Variants in SLIT1 observed in about 807,000 individuals in gnomAD.
The protein encoded by SLIT1 is slit homolog 1 protein.
In SLIT1, 66 loss-of-function variants were observed where a neutral mutation model predicts 186.1. That is an observed-to-expected ratio of 0.35 (90% CI 0.29 to 0.44). SLIT1 has a LOEUF of 0.44. Ranked by LOEUF, SLIT1 falls within the 20% of genes least tolerant of loss-of-function variation. The pLI is 1.00. For missense variants in SLIT1, 1,638 were observed against 2,037.4 expected, an observed-to-expected ratio of 0.80 and a Z score of 3.77; for synonymous variants, 761 against 833.8, an observed-to-expected ratio of 0.91 and a Z score of 1.50.
chr10:97,056,262 C>G (rs971274137), intron 13 of SLIT1, 59 bp downstream of exon 13: 5 of 1,588,552 alleles, frequency 3.1e-6, no homozygotes, highest in Non-Finnish European at 4.3e-6. Context: ...CTGGAGGCTG[C>G]AACCTCCCCC....
chr10:97,136,691 TG>T (rs1471414431), intron 4 of SLIT1, among the ~76,000 whole-genome samples: 6 of 152,070 alleles, frequency 3.9e-5, no homozygotes, highest in Non-Finnish European at 5.9e-5. Context: ...CAGAAATGAG[TG>T]ATCCTTCCAC....
chr10:97,034,690 G>T, intron 22 of SLIT1, 148 bp from the exon 23 acceptor site: 1 of 677,378 alleles, frequency 1.5e-6, no homozygotes, highest in South Asian at 1.6e-5. Flanking sequence ...GCACAGCCTC[G>T]GGTCTCAGCG....
At chr10:97,166,026 T>G (rs899157674) in intron 1 of SLIT1, among the ~76,000 whole-genome samples, 1 of 151,974 alleles carries the variant, frequency 6.6e-6, no homozygotes, top group African/African-American at 2.4e-5. Flanking sequence ...GCCATCTGTC[T>G]CCTTGGGGCA....
intron 4 of SLIT1, among the ~76,000 whole-genome samples, chr10:97,123,460 A>G (rs1362601501): frequency 3.3e-5 from 5 of 152,182 alleles, no homozygotes; most frequent in Non-Finnish European, 5.9e-5. Context: ...GTCCTCAAAC[A>G]ATTTCAGAAC....
At position 97,047,731 on chromosome 10, in the gene SLIT1, G is replaced by A. The variant is rs2134626260; in HGVS notation, c.1593C>T (p.Leu531=). 1 of 1,614,066 alleles carries A rather than the reference G, an allele frequency of 6.2e-7. No individual in the cohort carries two copies. The highest frequency in any genetic ancestry group is 2.2e-5 in the East Asian group (1 of 44,886). ...ANVVECSSLK[L]TKIPERIPQS... is the part of the protein sequence containing the mutation. ...GGGGGATGCGCTCAGGGATCTTGGT[G>A]AGCTTCAGGCTGGAGCACTCCACCA... Residue 531 remains leucine, a synonymous_variant, in exon 16 of 37, where the codon CTC becomes CTT. Coordinates refer to ENST00000266058, the MANE Select transcript of SLIT1 (RefSeq NM_003061.3).
At chr10:97,026,998 A>G (rs1848551682) in intron 25 of SLIT1, among the ~76,000 whole-genome samples, 1 of 152,218 alleles carries the variant, frequency 6.6e-6, no homozygotes, top group Admixed American at 6.5e-5. Flanking sequence ...AGGGTTTTAA[A>G]TAGGAAGACT....
chr10:97,073,594 G>A (rs1205262792), intron 4 of SLIT1, among the ~76,000 whole-genome samples: 1 of 152,178 alleles, frequency 6.6e-6, no homozygotes, highest in Non-Finnish European at 1.5e-5. Context: ...TACAGGGCTG[G>A]GGCAGAAGCT....
At chr10:97,032,715 A>G (rs1264151422) in intron 23 of SLIT1, among the ~76,000 whole-genome samples, 1 of 151,778 alleles carries the variant, frequency 6.6e-6, no homozygotes, top group Non-Finnish European at 1.5e-5. Context: ...GGGAAATCAC[A>G]CTTGCAATAG....
In SLIT1 at chr10:97,177,654, C is replaced by T. The variant is rs1288817098; in HGVS notation, c.197+7824G>A. Among the ~76,000 whole-genome samples, 4 of 152,100 alleles carry T rather than the reference C, an allele frequency of 2.6e-5. No homozygotes were observed. In the East Asian group the frequency reaches 7.7e-4, roughly 29 times the overall value. On this transcript the variant is annotated intron_variant, in intron 1 of 36. Transcript: ENST00000266058. ...ATAAAGAAAATATGGTACATATACA[C>T]CACAGAGTACTATGAAACCATAAAA...
At chr10:97,178,888 T>G (rs1369077937) in intron 1 of SLIT1, among the ~76,000 whole-genome samples, 1 of 152,202 alleles carries the variant, frequency 6.6e-6, no homozygotes, top group Admixed American at 6.5e-5. Context: ...TTATTTGTTT[T>G]TTAAAATTTA....
At chr10:97,002,434 GCCCCACCTGACACAGCCCA>G (rs1219164697) in intron 35 of SLIT1, 65 bp from the exon 36 acceptor site, 53 of 1,291,420 alleles carry the variant, frequency 4.1e-5, no homozygotes, top group Middle Eastern at 4.7e-4. Flanking sequence ...GACACAGCCC[GCCCCACCTGACACAGCCCA>G]CCCCACCCAG....
In SLIT1 at chr10:97,004,568, G is replaced by A. The variant is rs973986143; in HGVS notation, c.3710+125C>T. 4.3e-6 allele frequency: 5 copies of A among 1,164,932 alleles called. No homozygotes were observed. The highest frequency in any genetic ancestry group is 1.9e-5 in the Admixed American group (1 of 53,644). 72.2% of individuals were successfully genotyped at this position (1,164,932 alleles called of 1,614,324 possible). A position where few individuals can be genotyped will look rare whatever the true frequency, so the allele number is the denominator to read the frequency against. On this transcript the variant is annotated intron_variant, in intron 33 of 36. Coordinates refer to ENST00000266058, the MANE Select transcript of SLIT1 (RefSeq NM_003061.3). This position sits in a 1 kb window ranked among gnomAD's most constrained non-coding sequence, Gnocchi z 5.1. ...TGGGGCTAACCCAGATGGTTCAAGTGTCCTTCAAACTCAGGCAGCCCAGGT... is the reference window on the plus strand; with the variant it reads ...TGGGGCTAACCCAGATGGTTCAAGTATCCTTCAAACTCAGGCAGCCCAGGT...
chr10:97,105,511 G>A (rs759334073), intron 4 of SLIT1, among the ~76,000 whole-genome samples: 6 of 152,298 alleles, frequency 3.9e-5, no homozygotes, highest in Admixed American at 6.5e-5. Context: ...TCCAGTGACC[G>A]TGGTGTAATG....
rs1230123179 is a variant in SLIT1, at chr10:97,004,287, C to T, written c.3711-65G>A. On this transcript the variant is annotated intron_variant, in intron 33 of 36. Coordinates refer to ENST00000266058, the MANE Select transcript of SLIT1 (RefSeq NM_003061.3). This position sits in a 1 kb window ranked among gnomAD's most constrained non-coding sequence, Gnocchi z 5.1. ...TCAGTCTGGACCATCCCTGCCTGGG[C>T]ACTTCCCCAGAAACACCAGTAGCTG... 3.3e-6 allele frequency: 5 copies of T among 1,515,102 alleles called. No individual in the cohort carries two copies. Among genetic ancestry groups the T allele is most frequent in the Non-Finnish European group, 3.6e-6 (4 of 1,111,700 alleles). 93.9% of individuals were successfully genotyped at this position (1,515,102 alleles called of 1,614,324 possible). A position where few individuals can be genotyped will look rare whatever the true frequency, so the allele number is the denominator to read the frequency against.
At chr10:97,033,789 A>G (rs566194184) in intron 23 of SLIT1, among the ~76,000 whole-genome samples, 2 of 152,304 alleles carry the variant, frequency 1.3e-5, no homozygotes, top group East Asian at 3.9e-4. Context: ...AAGTCAGGAC[A>G]GCAGCTGCCT....
intron 4 of SLIT1, among the ~76,000 whole-genome samples, chr10:97,090,371 G>C (rs965615664): frequency 6.6e-6 from 1 of 151,776 alleles, no homozygotes; most frequent in African/African-American, 2.4e-5. Context: ...GAACCAGCAG[G>C]CACAAAGGCC....
intron 4 of SLIT1, among the ~76,000 whole-genome samples, chr10:97,096,410 C>T (rs1230705782): frequency 6.6e-6 from 1 of 152,270 alleles, no homozygotes; most frequent in East Asian, 1.9e-4. Context: ...TCCCTCAACC[C>T]CTCCTGCCCT....
At chr10:97,154,910 G>A (rs1849929108) in intron 4 of SLIT1, 1 of 152,170 alleles carries the variant, frequency 6.6e-6, no homozygotes, top group East Asian at 1.9e-4. Context: ...CCATGAAGAG[G>A]GCGGGCCTAG....
At chr10:97,140,569 T>G (rs1167363966) in intron 4 of SLIT1, among the ~76,000 whole-genome samples, 3 of 152,134 alleles carry the variant, frequency 2.0e-5, no homozygotes. Context: ...TACCTTCCTT[T>G]CTAACCCTTC....
Sources: allele counts gnomAD v4.1 joint callset (sites outside exome capture counted in the v4.1 genomes callset), GRCh38; gene constraint gnomAD v4.1.1; non-coding constraint Gnocchi (gnomAD v3.1); transcripts MANE v1.5; gene names NCBI Gene and HGNC (gene_info 2026-07-23, HGNC 2026-07-21).